Variants in DDAH1 observed in about 807,000 individuals in gnomAD.
DDAH1 encodes dimethylarginine dimethylaminohydrolase 1.
Under a neutral mutation model 28.8 loss-of-function variants are expected in DDAH1, and 19 were observed. That is an observed-to-expected ratio of 0.66 (90% CI 0.46 to 0.97). The LOEUF (loss-of-function observed/expected upper bound fraction) is 0.97. DDAH1 is among the 50% of genes least tolerant of loss of function. DDAH1 has a pLI of 0.00. For missense variants in DDAH1, 326 were observed against 375.9 expected (o/e 0.87, Z 1.10); for synonymous variants, 153 against 154.4 (o/e 0.99, Z 0.07).
At chr1:85,476,425 C>A (rs1294593416) in intron 2 of DDAH1, among the ~76,000 whole-genome samples, 1 of 152,176 alleles carries the variant, frequency 6.6e-6, no homozygotes, top group Non-Finnish European at 1.5e-5. Context: ...AAGCTGGGAA[C>A]CACTTTCCAG....
At chr1:85,510,779 C>A (rs1426134245) in intron 1 of DDAH1, among the ~76,000 whole-genome samples, 2 of 152,168 alleles carry the variant, frequency 1.3e-5, no homozygotes, top group African/African-American at 2.4e-5. Context: ...GTAAAGGGAT[C>A]AATTCCACAA....
At chr1:85,381,043 C>G (rs1650956060) in intron 1 of DDAH1, among the ~76,000 whole-genome samples, 1 of 150,648 alleles carries the variant, frequency 6.6e-6, no homozygotes, top group South Asian at 2.1e-4. Context: ...TCAGGACCAG[C>G]CTGGCCAATA....
intron 1 of DDAH1, among the ~76,000 whole-genome samples, chr1:85,542,388 A>T (rs1355496005): frequency 2.0e-5 from 3 of 152,242 alleles, no homozygotes; most frequent in African/African-American, 7.2e-5. Context: ...GTTACTGATC[A>T]GATTCTAAGG....
chr1:85,322,048 G>A (rs1570365795), intron 5 of DDAH1, among the ~76,000 whole-genome samples: 1 of 152,060 alleles, frequency 6.6e-6, no homozygotes, highest in Non-Finnish European at 1.5e-5. Flanking sequence ...TAAGTACCTG[G>A]GACAAACAAC....
In DDAH1 at chr1:85,400,189, T is replaced by C. The variant is rs1264989229; in HGVS notation, c.304-41342A>G. Among the ~76,000 whole-genome samples the C allele has an allele frequency of 1.1e-4, 11 of 100,256 alleles. 1 individual carries two copies. The highest frequency in any genetic ancestry group is 1.6e-4 in the African/African-American group (4 of 25,442). 65.8% of individuals were successfully genotyped at this position (100,256 alleles called of 152,430 possible). A position where few individuals can be genotyped will look rare whatever the true frequency, so the allele number is the denominator to read the frequency against. On this transcript the variant is annotated intron_variant, in intron 1 of 5. Transcript: ENST00000284031. The stretch of plus-strand genomic sequence containing the variant: ...TTTCTTTTCTTTTCTTTTTTTTTTT[T>C]TTTTTTTTTTTTTTTTTTTGAGACG...
chr1:85,332,442 G>A (rs1035754265), intron 4 of DDAH1, among the ~76,000 whole-genome samples: 1 of 152,166 alleles, frequency 6.6e-6, no homozygotes, highest in African/African-American at 2.4e-5. Context: ...ACAGTAGAAG[G>A]GCTGCTTCAC....
chr1:85,431,864 A>G (rs1357128106), intron 1 of DDAH1, among the ~76,000 whole-genome samples: 1 of 152,226 alleles, frequency 6.6e-6, no homozygotes, highest in African/African-American at 2.4e-5. Context: ...TTTCTCACAC[A>G]TGAAGTTGCT....
chr1:85,486,896 A>G (rs948900261), intron 2 of DDAH1, among the ~76,000 whole-genome samples: 1 of 152,208 alleles, frequency 6.6e-6, no homozygotes, highest in Non-Finnish European at 1.5e-5. Flanking sequence ...AAGCCTGATG[A>G]CCAGAGTCTT....
chr1:85,445,260 T>C (rs1387581079), intron 1 of DDAH1, among the ~76,000 whole-genome samples: 1 of 152,124 alleles, frequency 6.6e-6, no homozygotes, highest in Non-Finnish European at 1.5e-5. Flanking sequence ...GTATTAAGCA[T>C]CACAGGGGGA....
intron 1 of DDAH1, among the ~76,000 whole-genome samples, chr1:85,434,724 A>T (rs575354368): frequency 6.6e-6 from 1 of 152,276 alleles, no homozygotes; most frequent in East Asian, 1.9e-4. Context: ...AATAAGTGAC[A>T]TTCTCTGACC....
chr1:85,332,980 C>A (rs1295911963), intron 4 of DDAH1, among the ~76,000 whole-genome samples: 1 of 152,130 alleles, frequency 6.6e-6, no homozygotes, highest in African/African-American at 2.4e-5. Flanking sequence ...TGGCACACTG[C>A]TGCCATAACC....
rs1661266820 is a variant in DDAH1, at chr1:85,320,228, T to C, written c.*1224A>G. The stretch of plus-strand genomic sequence containing the variant: ...GTTCAAAGTTGTGTAATTTAAAGGC[T>C]AGAGAAGAAAGAAGTTTAAATTGGA... On this transcript the variant is annotated 3_prime_UTR_variant, in exon 6 of 6. Transcript: ENST00000284031. 1 of 152,634 alleles carries C rather than the reference T, an allele frequency of 6.6e-6. No homozygotes were observed. Among genetic ancestry groups the C allele is most frequent in the Non-Finnish European group, 1.5e-5 (1 of 68,026 alleles). 9.5% of individuals were successfully genotyped at this position (152,634 alleles called of 1,614,324 possible). A position where few individuals can be genotyped will look rare whatever the true frequency, so the allele number is the denominator to read the frequency against.
intron 1 of DDAH1, among the ~76,000 whole-genome samples, chr1:85,524,046 ATTC>A (rs1359419112): frequency 2.6e-5 from 4 of 151,628 alleles, no homozygotes; most frequent in African/African-American, 9.7e-5. Flanking sequence ...ACCATCTATT[ATTC>A]ATTCGACACA....
chr1:85,557,265 G>A (rs1658999655), intron 1 of DDAH1, among the ~76,000 whole-genome samples: 1 of 152,192 alleles, frequency 6.6e-6, no homozygotes, highest in Non-Finnish European at 1.5e-5. Flanking sequence ...GTGTTAAATA[G>A]CTACACAGAT....
At chr1:85,532,152 C>T (rs1658113526) in intron 1 of DDAH1, among the ~76,000 whole-genome samples, 2 of 151,686 alleles carry the variant, frequency 1.3e-5, no homozygotes, top group Admixed American at 6.6e-5. Flanking sequence ...TCTTAGAGAC[C>T]CCATAGTCTG....
At chr1:85,531,996 T>C (rs1349771884) in intron 1 of DDAH1, among the ~76,000 whole-genome samples, 2 of 152,158 alleles carry the variant, frequency 1.3e-5, no homozygotes, top group Non-Finnish European at 2.9e-5. Flanking sequence ...TTTGACTAGG[T>C]AATCATTATT....
chr1:85,451,254 C>T lies in DDAH1; in HGVS notation c.303+13489G>A, dbSNP rs529377188. Among the ~76,000 whole-genome samples, 38 of 152,236 alleles carry T rather than the reference C, an allele frequency of 2.5e-4. No individual in the cohort carries two copies. In the South Asian group the frequency reaches 7.0e-3, roughly 28 times the overall value. ...GCCACAGCCCAATGGATGGAGGTCT[C>T]CAGTTTCCAGGAAGAGAAGATAGCA... is the stretch of plus-strand genomic sequence containing the variant. On this transcript the variant is annotated intron_variant, in intron 1 of 5. Transcript: ENST00000284031.
chr1:85,535,921 T>C (rs2100778950), intron 1 of DDAH1, among the ~76,000 whole-genome samples: 1 of 152,146 alleles, frequency 6.6e-6, no homozygotes, highest in Non-Finnish European at 1.5e-5. Flanking sequence ...GGACAACAGG[T>C]GAATGAAGAA....
chr1:85,367,009 T>C (rs1650112640), intron 1 of DDAH1, among the ~76,000 whole-genome samples: 1 of 152,170 alleles, frequency 6.6e-6, no homozygotes, highest in South Asian at 2.1e-4. Flanking sequence ...TGTTTTCTTA[T>C]TTATATTCAC....
Sources: gnomAD v4.1 joint callset for allele counts (sites outside exome capture counted in the v4.1 genomes callset) on GRCh38, gnomAD v4.1.1 for gene constraint, MANE v1.5 for transcripts, NCBI Gene and HGNC (gene_info 2026-07-23, HGNC 2026-07-21) for gene names.